HTR7: variants seen among roughly 807,000 people sequenced by gnomAD.
The protein encoded by HTR7 is 5-HT-7.
In HTR7, 16 loss-of-function variants were observed where a neutral mutation model predicts 34.0. That is an observed-to-expected ratio of 0.47 (90% CI 0.32 to 0.71). The LOEUF (loss-of-function observed/expected upper bound fraction) is 0.71. Ranked by LOEUF, HTR7 falls within the 30% of genes least tolerant of loss-of-function variation. The pLI is 0.04. For missense variants in HTR7, 504 were observed against 625.5 expected (o/e 0.81, Z 2.07); for synonymous variants, 265 against 260.2 (o/e 1.02, Z -0.18).
intron 1 of HTR7, among the ~76,000 whole-genome samples, chr10:90,833,227 C>T (rs1277483051): frequency 6.6e-6 from 1 of 152,174 alleles, no homozygotes; most frequent in Non-Finnish European, 1.5e-5. Context: ...AGAGAATATT[C>T]CAGAGTGTCG....
At chr10:90,746,060 T>G (rs1050471205) in intron 2 of HTR7, among the ~76,000 whole-genome samples, 10 of 152,220 alleles carry the variant, frequency 6.6e-5, no homozygotes, top group African/African-American at 2.2e-4. Context: ...AACACAGATG[T>G]CCTGGGCTCA....
In HTR7 at chr10:90,828,761, C is replaced by A. The variant is rs531336576; in HGVS notation, c.539+28372G>T. On this transcript the variant is annotated intron_variant, in intron 1 of 3. Coordinates refer to ENST00000336152, the MANE Select transcript of HTR7 (RefSeq NM_019859.4). ...GGCTTCACTGCTTCATTTCACAAAA[C>A]ATTTTTAAAAAAATCAATCCTACTA... 5.1e-4 allele frequency among the ~76,000 whole-genome samples: 77 copies of A among 152,078 alleles called. 1 individual carries two copies. The highest frequency in any genetic ancestry group is 1.1e-3 in the Non-Finnish European group (74 of 67,966).
chr10:90,820,933 G>A (rs1335120446), intron 1 of HTR7, among the ~76,000 whole-genome samples: 2 of 152,056 alleles, frequency 1.3e-5, no homozygotes, highest in African/African-American at 4.8e-5. Context: ...ACCCTATGAG[G>A]AAGGTATTAT....
At chr10:90,792,795 AG>A (rs1414862272) in intron 1 of HTR7, among the ~76,000 whole-genome samples, 1 of 152,138 alleles carries the variant, frequency 6.6e-6, no homozygotes, top group Non-Finnish European at 1.5e-5. Flanking sequence ...ATCAGAATGG[AG>A]AAAGAACAGT....
At chr10:90,748,793 A>G (rs1203594376) in intron 2 of HTR7, 46 bp downstream of exon 2, 3 of 1,546,646 alleles carry the variant, frequency 1.9e-6, no homozygotes, top group Non-Finnish European at 2.6e-6. Context: ...AAAGCTGCAT[A>G]AAAGGGTTTG....
At chr10:90,815,436 T>C (rs1030515912) in intron 1 of HTR7, among the ~76,000 whole-genome samples, 2 of 152,196 alleles carry the variant, frequency 1.3e-5, no homozygotes, top group Non-Finnish European at 2.9e-5. Flanking sequence ...TAAATGTTTA[T>C]AAAAATGGAT....
At chr10:90,815,573 G>GT (rs147431472) in intron 1 of HTR7, among the ~76,000 whole-genome samples, 2,400 of 152,308 alleles carry the variant, frequency 0.016, 78 homozygotes, top group African/African-American at 0.054. Context: ...GGGGCCTTTT[G>GT]TGGGGGGCCT....
chr10:90,760,909 C>T (rs903369807), intron 1 of HTR7, among the ~76,000 whole-genome samples: 1 of 151,806 alleles, frequency 6.6e-6, no homozygotes, highest in African/African-American at 2.4e-5. Flanking sequence ...AAACACGTAC[C>T]CTATAAATAT....
At chr10:90,815,630 C>A (rs746024476) in intron 1 of HTR7, among the ~76,000 whole-genome samples, 2 of 152,188 alleles carry the variant, frequency 1.3e-5, no homozygotes, top group Admixed American at 6.5e-5. Flanking sequence ...GGGCTTGACA[C>A]CTGGGTGACG....
At chr10:90,797,590 G>T (rs1350431876) in intron 1 of HTR7, among the ~76,000 whole-genome samples, 1 of 152,178 alleles carries the variant, frequency 6.6e-6, no homozygotes, top group African/African-American at 2.4e-5. Context: ...CAATACTAAA[G>T]GTTTCCAGGA....
At chr10:90,816,970 G>C (rs1164383470) in intron 1 of HTR7, among the ~76,000 whole-genome samples, 1 of 152,160 alleles carries the variant, frequency 6.6e-6, no homozygotes, top group East Asian at 1.9e-4. Context: ...ATCTGGCCTA[G>C]AACACTTAAA....
At chr10:90,784,821 G>C (rs532275283) in intron 1 of HTR7, among the ~76,000 whole-genome samples, 14 of 152,256 alleles carry the variant, frequency 9.2e-5, no homozygotes, top group Non-Finnish European at 1.9e-4. Context: ...CACATGACTT[G>C]GCATCATTAG....
chr10:90,776,018 G>A (rs936273787), intron 1 of HTR7, among the ~76,000 whole-genome samples: 2 of 152,110 alleles, frequency 1.3e-5, no homozygotes, highest in Non-Finnish European at 2.9e-5. Context: ...AATTATTAGA[G>A]AGATAGTTTG....
chr10:90,844,845 G>A (rs967677615), intron 1 of HTR7, among the ~76,000 whole-genome samples: 7 of 145,924 alleles, frequency 4.8e-5, no homozygotes, highest in Middle Eastern at 3.7e-3. Context: ...CTGATGTGAC[G>A]CCCAGGCCCA....
At chr10:90,832,884 G>A (rs1190711582) in intron 1 of HTR7, among the ~76,000 whole-genome samples, 3 of 152,162 alleles carry the variant, frequency 2.0e-5, no homozygotes, top group Admixed American at 2.0e-4. Context: ...CCAGACAAGG[G>A]CACAGCCAGT....
intron 1 of HTR7, among the ~76,000 whole-genome samples, chr10:90,794,377 G>A (rs1440325246): frequency 6.6e-6 from 1 of 152,150 alleles, no homozygotes; most frequent in Non-Finnish European, 1.5e-5. Context: ...TAAGTAGAAG[G>A]AGTACACTCT....
intron 1 of HTR7, among the ~76,000 whole-genome samples, chr10:90,794,361 T>A (rs1271813354): frequency 6.6e-6 from 1 of 152,218 alleles, no homozygotes; most frequent in Non-Finnish European, 1.5e-5. Context: ...GTTAACTTGT[T>A]TTCTATAAGT....
intron 1 of HTR7, among the ~76,000 whole-genome samples, chr10:90,767,083 T>C (rs1326492305): frequency 3.0e-4 from 46 of 151,984 alleles, no homozygotes; most frequent in Admixed American, 3.0e-3. Flanking sequence ...GCTCAGCAAT[T>C]GGGAAGAGCC....
At chr10:90,855,840 AC>A (rs1846570916) in intron 1 of HTR7, among the ~76,000 whole-genome samples, 1 of 152,218 alleles carries the variant, frequency 6.6e-6, no homozygotes, top group Admixed American at 6.5e-5. Flanking sequence ...AAGAAAAATA[AC>A]CTAAATTGTT....
Sources: gnomAD v4.1 joint callset for allele counts (sites outside exome capture counted in the v4.1 genomes callset) on GRCh38, gnomAD v4.1.1 for gene constraint, MANE v1.5 for transcripts, NCBI Gene and HGNC (gene_info 2026-07-23, HGNC 2026-07-21) for gene names.